Variants in SH2B3 observed in about 807,000 individuals in gnomAD.
SH2B3 encodes SH2B adaptor protein 3, also known as SH2B adapter protein 3.
Under a neutral mutation model 51.9 loss-of-function variants are expected in SH2B3, and 43 were observed. The observed-to-expected ratio is 0.83, with a 90% CI of 0.65 to 1.07. The LOEUF (loss-of-function observed/expected upper bound fraction) is 1.07. Ranked by LOEUF, SH2B3 falls within the 50% of genes least tolerant of loss-of-function variation. The pLI is 0.00. For synonymous variants in SH2B3, 396 were observed against 376.0 expected, an observed-to-expected ratio of 1.05 and a Z score of -0.62; for missense variants, 952 against 834.3, an observed-to-expected ratio of 1.14 and a Z score of -1.74.
chr12:111,425,400 G>T (rs917020194), intron 2 of SH2B3, among the ~76,000 whole-genome samples: 1 of 152,152 alleles, frequency 6.6e-6, no homozygotes, highest in African/African-American at 2.4e-5. Context: ...CCTGGGGTTG[G>T]TCAGCAAAGG....
In SH2B3 at chr12:111,441,699, A is replaced by G. The variant is rs142621733; in HGVS notation, c.733-5054A>G. On this transcript the variant is annotated intron_variant, in intron 2 of 7. Transcript: ENST00000341259. ...AAATAGGTCAAAGTCTGGGTAATGC[A>G]TGGGTTTAATAGGTTTCTCTGCTGC... 1.6e-4 allele frequency among the ~76,000 whole-genome samples: 24 copies of G among 152,276 alleles called. 1 individual carries two copies. Among genetic ancestry groups the G allele is most frequent in the African/African-American group, 5.1e-4 (21 of 41,564 alleles).
At chr12:111,421,307 TAATA>T (rs918590708) in intron 2 of SH2B3, among the ~76,000 whole-genome samples, 1 of 151,826 alleles carries the variant, frequency 6.6e-6, no homozygotes, top group African/African-American at 2.4e-5. Context: ...CACTCCCAGC[TAATA>T]AATAGGTTGC....
At chr12:111,431,140 C>T (rs1872457911) in intron 2 of SH2B3, among the ~76,000 whole-genome samples, 1 of 152,198 alleles carries the variant, frequency 6.6e-6, no homozygotes, top group South Asian at 2.1e-4. Context: ...GGCTGTGGCC[C>T]CCGCCCACTG....
At chr12:111,426,170 T>A (rs1163960145) in intron 2 of SH2B3, among the ~76,000 whole-genome samples, 3 of 152,110 alleles carry the variant, frequency 2.0e-5, no homozygotes, top group African/African-American at 7.2e-5. Context: ...ATGGTGTTCC[T>A]TCCTCCCAGT....
intron 1 of SH2B3, among the ~76,000 whole-genome samples, chr12:111,413,461 T>A (rs12297345): frequency 0.065 from 9,886 of 152,214 alleles, 1,079 homozygotes; most frequent in African/African-American, 0.22. Flanking sequence ...ATTGTTCTTA[T>A]GGGAGGACTG....
At chr12:111,442,338 T>C (rs1182834014) in intron 2 of SH2B3, among the ~76,000 whole-genome samples, 1 of 152,164 alleles carries the variant, frequency 6.6e-6, no homozygotes, top group Non-Finnish European at 1.5e-5. Context: ...GGTAAGTAAG[T>C]GGTAGAGCTA....
intron 2 of SH2B3, among the ~76,000 whole-genome samples, chr12:111,422,076 T>G (rs748661103): frequency 1.3e-5 from 2 of 152,142 alleles, no homozygotes; most frequent in Non-Finnish European, 2.9e-5. Context: ...GGTTTTTTTG[T>G]GTTTTGTTTT....
chr12:111,435,951 A>AG lies in SH2B3; in HGVS notation c.733-10800dup, dbSNP rs989399878. On this transcript the variant is annotated intron_variant, in intron 2 of 7. Transcript: ENST00000341259. The surrounding 1 kb of genome is among the most constrained non-coding windows in gnomAD (Gnocchi z 4.8). Reference sequence around the variant, plus strand: ...GCAGCAGGGGAGGTGTGCTGGGACCAGGCCTGGAGTGGGGTCTGGTGGCCC... The same window carrying AG: ...GCAGCAGGGGAGGTGTGCTGGGACCAGGGCCTGGAGTGGGGTCTGGTGGCCC... Among the ~76,000 whole-genome samples, 32 of 152,288 alleles carry AG rather than the reference A, an allele frequency of 2.1e-4. No homozygotes were observed. Among genetic ancestry groups the AG allele is most frequent in the African/African-American group, 7.7e-4 (32 of 41,564 alleles).
At chr12:111,419,048 T>C (rs1233604240) in intron 2 of SH2B3, among the ~76,000 whole-genome samples, 171 bp downstream of exon 2, 1 of 152,214 alleles carries the variant, frequency 6.6e-6, no homozygotes, top group Non-Finnish European at 1.5e-5. Flanking sequence ...CAATGGCTTA[T>C]GCCTGTAATC....
rs577590494 is a variant in SH2B3 at position 111,429,716 on chromosome 12, G to A, written c.732+10839G>A. Among the ~76,000 whole-genome samples the A allele has an allele frequency of 3.3e-5, 5 of 152,312 alleles. No homozygotes were observed. In the South Asian group the frequency reaches 1.0e-3, roughly 32 times the overall value. ...TCCTTATCACAAACCCCGGAGGTGG[G>A]GACAGTGATGAAGCCATTTCACAGC... On this transcript the variant is annotated intron_variant, in intron 2 of 7. Transcript: ENST00000341259. This position sits in a 1 kb window ranked among gnomAD's most constrained non-coding sequence, Gnocchi z 4.4.
intron 2 of SH2B3, chr12:111,434,810 G>A (rs1455571888): frequency 2.0e-6 from 3 of 1,506,726 alleles, no homozygotes; most frequent in Non-Finnish European, 2.7e-6. Context: ...GTGAGAGGCT[G>A]TGTGTCAAGG....
chr12:111,447,082 C>G, intron 4 of SH2B3, 43 bp from the exon 5 acceptor site: 3 of 1,608,674 alleles, frequency 1.9e-6, no homozygotes, highest in Non-Finnish European at 1.7e-6. Flanking sequence ...TGCTACCACC[C>G]CTGACCTGCC....
chr12:111,447,361 C>G lies in SH2B3; in HGVS notation c.1053C>G (p.Ala351=), dbSNP rs770483463. The part of the protein sequence containing the change: ...GASPGGLLDP[A]CQKTDHFLSC... ...CTCCTGGGGGGCTGCTGGACCCGGCCTGCCAGAAGACGGACCATTTCCTGT... is the reference window on the plus strand; with the variant it reads ...CTCCTGGGGGGCTGCTGGACCCGGCGTGCCAGAAGACGGACCATTTCCTGT... Residue 351 remains alanine (A), a synonymous_variant, in exon 6 of 8, where the codon GCC becomes GCG. Transcript: ENST00000341259. 9 of 1,614,114 alleles carry G rather than the reference C, an allele frequency of 5.6e-6. No individual in the cohort carries two copies. The highest frequency in any genetic ancestry group is 5.3e-5 in the African/African-American group (4 of 75,026).
chr12:111,413,457 C>T (rs1191588515), intron 1 of SH2B3, among the ~76,000 whole-genome samples: 1 of 152,156 alleles, frequency 6.6e-6, no homozygotes. Context: ...TGCCATTGTT[C>T]TTATGGGAGG....
chr12:111,440,203 C>A (rs753620496), intron 2 of SH2B3, among the ~76,000 whole-genome samples: 1 of 152,328 alleles, frequency 6.6e-6, no homozygotes, highest in South Asian at 2.1e-4. Flanking sequence ...GTTCCCTCCC[C>A]CTTGGAGGTC....
intron 2 of SH2B3, among the ~76,000 whole-genome samples, chr12:111,421,440 C>T (rs982321830): frequency 1.6e-5 from 2 of 126,702 alleles, no homozygotes; most frequent in Admixed American, 1.8e-4. Context: ...GACAAGGTCT[C>T]GCTCTGTCAC....
Position 111,447,315 on chromosome 12 carries a change from CAT to C in SH2B3, c.1022-14_1022-13del. On this transcript the variant is annotated splice_polypyrimidine_tract_variant and intron_variant, in intron 5 of 7. Transcript: ENST00000341259. Reference sequence around the variant, plus strand: ...GTAGCCCCCTGCGACCACCATCACCCATCTTATCTAACAGGTGCTTCTCCTGG... The same window carrying C: ...GTAGCCCCCTGCGACCACCATCACCCCTTATCTAACAGGTGCTTCTCCTGG... 6.2e-7 allele frequency: 1 copy of C among 1,608,228 alleles called. No homozygotes were observed.
intron 2 of SH2B3, among the ~76,000 whole-genome samples, chr12:111,437,466 C>T (rs763157785): frequency 3.3e-5 from 5 of 152,162 alleles, no homozygotes; most frequent in East Asian, 1.9e-4. Context: ...GTCTAGGAGC[C>T]GCTGCCCTGT....
At chr12:111,444,958 GA>G (rs1873787705) in intron 2 of SH2B3, 14 of 827,008 alleles carry the variant, frequency 1.7e-5, no homozygotes, top group Non-Finnish European at 2.0e-5. Flanking sequence ...GGGAGTTGGG[GA>G]AGAACCCCTG....
Sources: allele counts gnomAD v4.1 joint callset (sites outside exome capture counted in the v4.1 genomes callset), GRCh38; gene constraint gnomAD v4.1.1; non-coding constraint Gnocchi (gnomAD v3.1); transcripts MANE v1.5; gene names NCBI Gene and HGNC (gene_info 2026-07-23, HGNC 2026-07-21).